Variants in RAB22A observed in about 807,000 individuals in gnomAD.
The protein encoded by RAB22A is ras-related protein Rab-22A.
RAB22A carries 13 observed loss-of-function variants against 30.2 expected under a neutral mutation model. That is an observed-to-expected ratio of 0.43 (90% confidence interval 0.28 to 0.68). The LOEUF (loss-of-function observed/expected upper bound fraction) is 0.68. RAB22A is among the 30% of genes least tolerant of loss of function. The probability of loss-of-function intolerance (pLI) is 0.18; values close to 1 mark genes in which losing one functional copy is unlikely to be tolerated. For missense variants in RAB22A, 177 were observed against 246.8 expected (o/e 0.72, Z 1.89); for synonymous variants, 89 against 87.2 (o/e 1.02, Z -0.11).
intron 3 of RAB22A, among the ~76,000 whole-genome samples, chr20:58,348,107 G>C (rs1037180941): frequency 2.0e-5 from 3 of 152,070 alleles, no homozygotes; most frequent in Non-Finnish European, 4.4e-5. Flanking sequence ...CACACCTGTG[G>C]TCCCAGCTAC....
intron 2 of RAB22A, among the ~76,000 whole-genome samples, chr20:58,334,644 A>G (rs1251895256): frequency 6.6e-6 from 1 of 151,650 alleles, no homozygotes; most frequent in Non-Finnish European, 1.5e-5. Context: ...ACACAAGAAT[A>G]TTTTTGATGG....
chr20:58,343,721 A>G lies in RAB22A; in HGVS notation c.120A>G (p.Ala40=). 6.2e-7 allele frequency: 1 copy of G among 1,606,150 alleles called. No homozygotes were observed. Among genetic ancestry groups the G allele is most frequent in the South Asian group, 1.1e-5 (1 of 90,908 alleles). The change falls in exon 3 of 7, where the codon GCA becomes GCG. Residue 40 remains alanine, a synonymous_variant. Transcript: ENST00000244040. ...TCATTTAGGTCTCTCTTTATAGGGC[A>G]TCTTTTATGACCAAGACTGTCCAGT... is the stretch of plus-strand genomic sequence containing the variant. ...FDPNINPTIG[A]SFMTKTVQYQ... is the part of the protein sequence containing the mutation.
At chr20:58,317,248 C>T (rs1986360518) in intron 2 of RAB22A, among the ~76,000 whole-genome samples, 1 of 152,074 alleles carries the variant, frequency 6.6e-6, no homozygotes, top group African/African-American at 2.4e-5. Context: ...AGGCACCCAC[C>T]ACCACGTCCA....
At chr20:58,330,806 G>A (rs1017561222) in intron 2 of RAB22A, among the ~76,000 whole-genome samples, 1 of 152,124 alleles carries the variant, frequency 6.6e-6, no homozygotes, top group Non-Finnish European at 1.5e-5. Context: ...CCCTACAGTT[G>A]GAAACAACTG....
intron 2 of RAB22A, among the ~76,000 whole-genome samples, chr20:58,337,656 C>T (rs1218041696): frequency 6.6e-6 from 1 of 152,162 alleles, no homozygotes; most frequent in African/African-American, 2.4e-5. Flanking sequence ...GGTGTTCCTG[C>T]CATGTGGTAG....
At chr20:58,318,409 T>C (rs1477000669) in intron 2 of RAB22A, among the ~76,000 whole-genome samples, 1 of 152,118 alleles carries the variant, frequency 6.6e-6, no homozygotes, top group Non-Finnish European at 1.5e-5. Context: ...TACAAAATGC[T>C]CCAAAATCTA....
chr20:58,353,446 A>G lies in RAB22A; in HGVS notation c.285A>G (p.Thr95=), dbSNP rs537683754. 8.7e-6 allele frequency: 14 copies of G among 1,613,420 alleles called. No homozygotes were observed. Among genetic ancestry groups the G allele is most frequent in the African/African-American group, 4.0e-5 (3 of 75,048 alleles). ...YDITKEETFS[T]LKNWVKELRQ... ...GTGTGTTACAGGAGACATTTTCAAC[A>G]TTAAAGAATTGGGTGAAAGAGCTTC... The change falls in exon 5 of 7, where the codon ACA becomes ACG. Residue 95 remains threonine, a synonymous_variant. Transcript: ENST00000244040.
Position 58,309,829 on chromosome 20 carries a change from A to G in RAB22A, c.-148A>G. 1 of 720,098 alleles carries G rather than the reference A, an allele frequency of 1.4e-6. No individual in the cohort carries two copies. 44.6% of individuals were successfully genotyped at this position (720,098 alleles called of 1,614,324 possible). The stretch of plus-strand genomic sequence containing the variant: ...GGCTGGCAGCGGACAGGCCGGACCT[A>G]CGGCCGGAGGACGGGCGGCAGCCGC... On this transcript the variant is annotated 5_prime_UTR_variant, in exon 1 of 7. Transcript: ENST00000244040.
At position 58,362,651 on chromosome 20, in the gene RAB22A, C is replaced by G. The variant is rs990100906; in HGVS notation, c.*2948C>G. On this transcript the variant is annotated 3_prime_UTR_variant, in exon 7 of 7. Transcript: ENST00000244040. Reference sequence around the variant, plus strand: ...TCTATGATAACTAATTAACCATCATCTGGTGATTAAAAGAACATAAAGTAA... The same window carrying G: ...TCTATGATAACTAATTAACCATCATGTGGTGATTAAAAGAACATAAAGTAA... 6.6e-6 allele frequency: 1 copy of G among 152,258 alleles called. No homozygotes were observed. Among genetic ancestry groups the G allele is most frequent in the African/African-American group, 2.4e-5 (1 of 41,468 alleles). The allele number at this position is 152,258 out of a possible 1,614,324, so 9.4% of individuals were successfully genotyped here.
intron 1 of RAB22A, 101 bp from the exon 2 acceptor site, chr20:58,310,942 A>G (rs1986213413): frequency 4.3e-6 from 4 of 924,864 alleles, no homozygotes; most frequent in Non-Finnish European, 7.2e-6. Flanking sequence ...TTACACGTCT[A>G]GGGTGATTTT....
chr20:58,323,137 A>C (rs1013893008), intron 2 of RAB22A, among the ~76,000 whole-genome samples: 1 of 151,968 alleles, frequency 6.6e-6, no homozygotes, highest in African/African-American at 2.4e-5. Flanking sequence ...AGGATTCTTG[A>C]GTTTCTCTCA....
intron 3 of RAB22A, among the ~76,000 whole-genome samples, chr20:58,347,580 T>G (rs1986973184): frequency 6.6e-6 from 1 of 152,228 alleles, no homozygotes; most frequent in Non-Finnish European, 1.5e-5. Flanking sequence ...AGAAAATTCA[T>G]AGCCAAGTTA....
intron 2 of RAB22A, among the ~76,000 whole-genome samples, chr20:58,342,648 C>CAAA (rs10709063): frequency 8.1e-6 from 1 of 124,038 alleles, no homozygotes; most frequent in African/African-American, 2.8e-5. Flanking sequence ...TACAATTTGG[C>CAAA]AAAAAAAAAA....
chr20:58,337,778 A>G (rs1281081466), intron 2 of RAB22A, among the ~76,000 whole-genome samples: 1 of 152,108 alleles, frequency 6.6e-6, no homozygotes, highest in Non-Finnish European at 1.5e-5. Context: ...TGCACCTCTC[A>G]CCAGCCCTGT....
chr20:58,353,202 C>G (rs1987080826), intron 3 of RAB22A, 71 bp from the exon 4 acceptor site: 1 of 1,344,106 alleles, frequency 7.4e-7, no homozygotes, highest in Non-Finnish European at 1.1e-6. Context: ...GGATAATGGG[C>G]TTATAAATCT....
chr20:58,319,199 C>T (rs1046289420), intron 2 of RAB22A, among the ~76,000 whole-genome samples: 2 of 151,728 alleles, frequency 1.3e-5, no homozygotes, highest in African/African-American at 4.8e-5. Flanking sequence ...AGAAACAGAT[C>T]ACAGACCAAA....
intron 2 of RAB22A, among the ~76,000 whole-genome samples, chr20:58,311,536 A>G (rs1385994462): frequency 6.6e-6 from 1 of 152,210 alleles, no homozygotes; most frequent in Admixed American, 6.5e-5. Context: ...ACCCTTACAC[A>G]TTCCTGTACT....
At chr20:58,315,757 T>C (rs1359129724) in intron 2 of RAB22A, among the ~76,000 whole-genome samples, 4 of 151,700 alleles carry the variant, frequency 2.6e-5, no homozygotes, top group African/African-American at 9.7e-5. Flanking sequence ...CCTCTGGGAC[T>C]CCTTCCCATC....
chr20:58,333,226 G>A (rs759833457), intron 2 of RAB22A, among the ~76,000 whole-genome samples: 1 of 151,826 alleles, frequency 6.6e-6, no homozygotes, highest in Non-Finnish European at 1.5e-5. Flanking sequence ...GTTGCAGTGA[G>A]CAAGATCATG....
Sources: gnomAD v4.1 joint callset for allele counts (sites outside exome capture counted in the v4.1 genomes callset) on GRCh38, gnomAD v4.1.1 for gene constraint, MANE v1.5 for transcripts, NCBI Gene and HGNC (gene_info 2026-07-23, HGNC 2026-07-21) for gene names.